The following GSG1L variants were observed in gnomAD, a reference collection of about 807,000 sequenced individuals.
The protein encoded by GSG1L is germ cell-specific gene 1-like protein.
GSG1L carries 24 observed loss-of-function variants against 42.1 expected under a neutral mutation model. That is an observed-to-expected ratio of 0.57 (90% CI 0.41 to 0.80). The LOEUF is 0.80. Among genes scored for constraint, GSG1L ranks in the 30% least tolerant of loss-of-function variants. GSG1L has a pLI of 0.00. For synonymous variants in GSG1L, 215 were observed against 203.5 expected (o/e 1.06, Z -0.48); for missense variants, 445 against 472.2 (o/e 0.94, Z 0.53).
At chr16:27,947,416 GAA>G (rs2084888621) in intron 2 of GSG1L, among the ~76,000 whole-genome samples, 3 of 143,264 alleles carry the variant, frequency 2.1e-5, no homozygotes, top group Non-Finnish European at 4.5e-5. Flanking sequence ...AAGAAAGAAA[GAA>G]AGAAAGAAAG....
chr16:28,009,375 T>C (rs2085687502), intron 1 of GSG1L, among the ~76,000 whole-genome samples: 1 of 150,442 alleles, frequency 6.6e-6, no homozygotes, highest in Non-Finnish European at 1.5e-5. Context: ...CTGCCCCCCC[T>C]GCATGCCCTT....
At chr16:27,836,164 T>G (rs889783875) in intron 4 of GSG1L, among the ~76,000 whole-genome samples, 1 of 152,172 alleles carries the variant, frequency 6.6e-6, no homozygotes, top group African/African-American at 2.4e-5. Flanking sequence ...TTCTTTTTCT[T>G]TCAAAATGTT....
intron 2 of GSG1L, among the ~76,000 whole-genome samples, chr16:27,903,923 G>A (rs949074171): frequency 1.8e-4 from 28 of 151,972 alleles, no homozygotes; most frequent in African/African-American, 6.5e-4. Flanking sequence ...CCTCACTTTC[G>A]ACCCTGTCTT....
chr16:27,942,627 C>A (rs915513779), intron 2 of GSG1L, among the ~76,000 whole-genome samples: 1 of 152,128 alleles, frequency 6.6e-6, no homozygotes. Context: ...GCACTTCATG[C>A]AAGAGAAGTT....
intron 1 of GSG1L, among the ~76,000 whole-genome samples, chr16:27,996,377 C>T (rs1270545489): frequency 1.3e-5 from 2 of 152,278 alleles, no homozygotes; most frequent in Non-Finnish European, 1.5e-5. Context: ...CAAAATTACA[C>T]AAGGTCAAGA....
chr16:27,901,365 G>A (rs746909181), intron 2 of GSG1L, among the ~76,000 whole-genome samples: 2 of 152,182 alleles, frequency 1.3e-5, no homozygotes, highest in Non-Finnish European at 2.9e-5. Flanking sequence ...GCCACCACAC[G>A]TCACAGAGGA....
At position 27,791,285 on chromosome 16, in the gene GSG1L, TTCTGGGGGCACCACTCTGGTGGTCTTGCA is replaced by T; in HGVS notation, c.*56_*84del. On this transcript the variant is annotated 3_prime_UTR_variant, in exon 7 of 7. Coordinates refer to ENST00000447459, the MANE Select transcript of GSG1L (RefSeq NM_001109763.2). ...TGAGTTCACGGCACACAGGCCAGGG[TTCTGGGGGCACCACTCTGGTGGTCTTGCA>T]GCAGGGGCTGGTGCCAGCGATGGCC... 6 of 898,490 alleles carry T rather than the reference TTCTGGGGGCACCACTCTGGTGGTCTTGCA, an allele frequency of 6.7e-6. No individual in the cohort carries two copies. Among genetic ancestry groups the T allele is most frequent in the Non-Finnish European group, 8.0e-6 (5 of 628,046 alleles). The allele number at this position is 898,490 out of a possible 1,614,324, so 55.7% of individuals were successfully genotyped here.
chr16:27,839,155 A>G (rs1459033577), intron 4 of GSG1L, among the ~76,000 whole-genome samples: 1 of 152,154 alleles, frequency 6.6e-6, no homozygotes, highest in African/African-American at 2.4e-5. Flanking sequence ...AGTCATGGAG[A>G]CTAGAAAGGG....
chr16:28,008,327 G>A (rs1006318554), intron 1 of GSG1L, among the ~76,000 whole-genome samples: 12 of 152,062 alleles, frequency 7.9e-5, no homozygotes, highest in South Asian at 2.1e-4. Context: ...TGATCCACCC[G>A]CCTCGGCCTC....
chr16:27,868,891 C>T (rs1360703432), intron 3 of GSG1L, among the ~76,000 whole-genome samples: 1 of 152,174 alleles, frequency 6.6e-6, no homozygotes, highest in Admixed American at 6.5e-5. Flanking sequence ...CCACTCAAGG[C>T]ATCTTGAGTT....
At chr16:27,969,778 C>T (rs534011407) in intron 1 of GSG1L, among the ~76,000 whole-genome samples, 8 of 152,242 alleles carry the variant, frequency 5.3e-5, no homozygotes, top group East Asian at 1.9e-4. Context: ...TGAGAAATTG[C>T]GACACTTTTT....
rs1412721062 is a variant in GSG1L, at chr16:28,010,707, G to A, written c.350-47504C>T. 7.2e-5 allele frequency among the ~76,000 whole-genome samples: 11 copies of A among 152,260 alleles called. No individual in the cohort carries two copies. In the South Asian group the frequency reaches 2.3e-3, roughly 32 times the overall value. ...TCCTGCCTGATGGAGTCTCCGTGAT[G>A]GAAGCCAGGGGTCAGGAATAATGGA... On this transcript the variant is annotated intron_variant, in intron 1 of 6. Transcript: ENST00000447459.
intron 3 of GSG1L, among the ~76,000 whole-genome samples, chr16:27,852,327 G>GCACC (rs2083524750): frequency 6.6e-6 from 1 of 152,112 alleles, no homozygotes; most frequent in African/African-American, 2.4e-5. Context: ...CAAATATCAG[G>GCACC]CACCTGCTGT....
intron 2 of GSG1L, among the ~76,000 whole-genome samples, chr16:27,961,012 C>T (rs549047752): frequency 1.2e-3 from 189 of 152,322 alleles, no homozygotes; most frequent in African/African-American, 4.4e-3. Flanking sequence ...AGGCCACCCA[C>T]CTGCCACTGT....
chr16:28,024,437 C>T (rs1182835858), intron 1 of GSG1L, among the ~76,000 whole-genome samples: 8 of 152,134 alleles, frequency 5.3e-5, no homozygotes, highest in African/African-American at 1.9e-4. Flanking sequence ...TCCCAAGCAA[C>T]GAGCCACTGG....
intron 1 of GSG1L, among the ~76,000 whole-genome samples, chr16:28,046,138 A>C (rs1428478714): frequency 6.6e-6 from 1 of 152,132 alleles, no homozygotes; most frequent in Admixed American, 6.5e-5. Flanking sequence ...AGGAACAAAA[A>C]TTGGGGCTGA....
chr16:27,841,696 G>A (rs568654533), intron 4 of GSG1L, among the ~76,000 whole-genome samples: 1 of 152,324 alleles, frequency 6.6e-6, no homozygotes, highest in East Asian at 1.9e-4. Flanking sequence ...AGGGAGAAAT[G>A]GATCAGCACT....
At chr16:27,817,813 A>T (rs1404906460) in intron 5 of GSG1L, among the ~76,000 whole-genome samples, 1 of 152,238 alleles carries the variant, frequency 6.6e-6, no homozygotes, top group African/African-American at 2.4e-5. Context: ...TACATCACGA[A>T]GGATGTTTGC....
chr16:27,987,960 A>T (rs2085406845), intron 1 of GSG1L, among the ~76,000 whole-genome samples: 1 of 151,636 alleles, frequency 6.6e-6, no homozygotes, highest in South Asian at 2.1e-4. Context: ...AAAAAAAAAA[A>T]AAAAAAACCG....
Sources: allele counts gnomAD v4.1 joint callset (sites outside exome capture counted in the v4.1 genomes callset), GRCh38; gene constraint gnomAD v4.1.1; transcripts MANE v1.5; gene names NCBI Gene and HGNC (gene_info 2026-07-23, HGNC 2026-07-21).